Variants in PKN2 observed in about 807,000 individuals in gnomAD.
The protein encoded by PKN2 is serine/threonine-protein kinase N2.
Under a neutral mutation model 119.1 loss-of-function variants are expected in PKN2, and 38 were observed. The ratio of observed to expected loss-of-function variants is 0.32; its 90% CI spans 0.25 to 0.42. The LOEUF is 0.42. Among genes scored for constraint, PKN2 ranks in the 10% least tolerant of loss-of-function variants. The probability of loss-of-function intolerance (pLI) is 1.00; values close to 1 mark genes in which losing one functional copy is unlikely to be tolerated. For synonymous variants in PKN2, 390 were observed against 384.9 expected (o/e 1.01, Z -0.15); for missense variants, 850 against 1,165.1 (o/e 0.73, Z 3.94).
chr1:88,723,416 C>CT (rs1292941910), intron 1 of PKN2, among the ~76,000 whole-genome samples: 1 of 148,334 alleles, frequency 6.7e-6, no homozygotes, highest in Non-Finnish European at 1.5e-5. Context: ...CCCTGCCCCC[C>CT]CCCCTTTTAT....
At chr1:88,710,004 CAAAAG>C (rs1667162508) in intron 1 of PKN2, among the ~76,000 whole-genome samples, 1 of 151,974 alleles carries the variant, frequency 6.6e-6, no homozygotes. Context: ...TTGGCATCAT[CAAAAG>C]AAATAGGGAG....
At chr1:88,705,955 A>G (rs971213376) in intron 1 of PKN2, among the ~76,000 whole-genome samples, 1 of 151,778 alleles carries the variant, frequency 6.6e-6, no homozygotes, top group African/African-American at 2.4e-5. Context: ...TCCTTTTTCA[A>G]ATTTGTTTTG....
At chr1:88,757,574 G>A (rs537024810) in intron 2 of PKN2, among the ~76,000 whole-genome samples, 1 of 152,134 alleles carries the variant, frequency 6.6e-6, no homozygotes, top group Admixed American at 6.5e-5. Flanking sequence ...GAACATTGAA[G>A]CACAAAGGTA....
intron 1 of PKN2, among the ~76,000 whole-genome samples, chr1:88,729,843 C>T (rs932071542): frequency 2.0e-5 from 3 of 150,508 alleles, no homozygotes; most frequent in Non-Finnish European, 2.9e-5. Context: ...TTTCTTAACA[C>T]AGGTCAGACT....
chr1:88,833,434 G>A lies in PKN2; in HGVS notation c.2941G>A (p.Ala981Thr), dbSNP rs746556962. 1 of 1,612,942 alleles carries A rather than the reference G, an allele frequency of 6.2e-7. No homozygotes were observed. The stretch of plus-strand genomic sequence containing the variant: ...AATGTTCAGAGATTTTGACTACATT[G>A]CTGATTGGTGTTAAGTTGCTAGACA... ...QEMFRDFDYI[A>T]DWC The change falls in exon 22 of 22, where the codon GCT becomes ACT. Residue 981 changes from alanine to threonine, a missense_variant. Ala to Thr is a moderately conservative substitution (Grantham distance 58, BLOSUM62 0). Coordinates refer to ENST00000370521, the MANE Select transcript of PKN2 (RefSeq NM_006256.4).
At chr1:88,782,046 G>T (rs567890536) in intron 6 of PKN2, among the ~76,000 whole-genome samples, 1 of 152,176 alleles carries the variant, frequency 6.6e-6, no homozygotes, top group East Asian at 1.9e-4. Flanking sequence ...TTTAGTAAAT[G>T]TATATGCCTA....
intron 16 of PKN2, among the ~76,000 whole-genome samples, chr1:88,814,746 A>G (rs1671918149): frequency 6.6e-6 from 1 of 152,142 alleles, no homozygotes; most frequent in Non-Finnish European, 1.5e-5. Context: ...CACTCAAACT[A>G]TTAGCAAGTC....
intron 1 of PKN2, among the ~76,000 whole-genome samples, chr1:88,717,852 G>A (rs950233308): frequency 1.3e-5 from 2 of 152,056 alleles, no homozygotes; most frequent in South Asian, 4.1e-4. Flanking sequence ...AAGGAGCTGC[G>A]ATCCTTTAGA....
In PKN2 at chr1:88,798,803, C is replaced by G. The variant is rs182898971; in HGVS notation, c.1282-5588C>G. Among the ~76,000 whole-genome samples, 74 of 152,210 alleles carry G rather than the reference C, an allele frequency of 4.9e-4. 1 individual carries two copies. Among genetic ancestry groups the G allele is most frequent in the Admixed American group, 4.7e-3 (72 of 15,278 alleles). ...TCCAGAATGATGACAACCATGAGTCCTCAGATTTGAGAACATAAGTTCCTA... is the reference window on the plus strand; with the variant it reads ...TCCAGAATGATGACAACCATGAGTCGTCAGATTTGAGAACATAAGTTCCTA... On this transcript the variant is annotated intron_variant, in intron 8 of 21. Transcript: ENST00000370521.
At chr1:88,724,606 C>A (rs972004639) in intron 1 of PKN2, among the ~76,000 whole-genome samples, 11 of 148,660 alleles carry the variant, frequency 7.4e-5, no homozygotes, top group African/African-American at 2.8e-4. Context: ...GAGTCTTGCT[C>A]TGTCACCCAG....
intron 2 of PKN2, among the ~76,000 whole-genome samples, chr1:88,750,436 A>T (rs1668941775): frequency 6.6e-6 from 1 of 152,160 alleles, no homozygotes; most frequent in Non-Finnish European, 1.5e-5. Context: ...CAGAAACAGC[A>T]ATCTATTTAT....
rs1212971163 is a variant in PKN2, at chr1:88,692,513, A to C, written c.48+7885A>C. ...GAAATAAAAGATCCTTTGGTTATCC[A>C]TCCTCTCCAACACTTGATATTCTCT... On this transcript the variant is annotated intron_variant, in intron 1 of 21. Transcript: ENST00000370521. Among the ~76,000 whole-genome samples, 6 of 152,188 alleles carry C rather than the reference A, an allele frequency of 3.9e-5. No individual in the cohort carries two copies. The East Asian group carries it at 1.2e-3, about 29-fold the overall frequency.
intron 8 of PKN2, among the ~76,000 whole-genome samples, chr1:88,794,439 G>A (rs1243462732): frequency 6.6e-6 from 1 of 151,390 alleles, no homozygotes; most frequent in African/African-American, 2.4e-5. Context: ...ATAAACTACA[G>A]AAAGCACCTA....
chr1:88,729,961 C>T (rs908912661), intron 1 of PKN2, among the ~76,000 whole-genome samples: 1 of 152,006 alleles, frequency 6.6e-6, no homozygotes, highest in African/African-American at 2.4e-5. Flanking sequence ...ATCAGGAGAG[C>T]GAGACCATCC....
At chr1:88,764,169 C>T (rs748063561) in intron 3 of PKN2, among the ~76,000 whole-genome samples, 38 of 152,182 alleles carry the variant, frequency 2.5e-4, no homozygotes, top group Admixed American at 2.2e-3. Flanking sequence ...TCTCTCATTA[C>T]ACTCTAGCTA....
At chr1:88,742,191 A>G (rs1009864566) in intron 2 of PKN2, among the ~76,000 whole-genome samples, 8 of 152,162 alleles carry the variant, frequency 5.3e-5, no homozygotes, top group Non-Finnish European at 1.0e-4. Context: ...GTATAGAGTA[A>G]TACACCTATA....
At chr1:88,741,511 A>G (rs1668578961) in intron 2 of PKN2, among the ~76,000 whole-genome samples, 1 of 152,094 alleles carries the variant, frequency 6.6e-6, no homozygotes, top group Non-Finnish European at 1.5e-5. Context: ...ACCCTAATGT[A>G]TTCTCTCTTA....
At chr1:88,767,596 T>G (rs1406862656) in intron 3 of PKN2, among the ~76,000 whole-genome samples, 1 of 152,164 alleles carries the variant, frequency 6.6e-6, no homozygotes, top group Non-Finnish European at 1.5e-5. Context: ...TAGGCAATTG[T>G]AACACAATGG....
intron 16 of PKN2, among the ~76,000 whole-genome samples, chr1:88,820,234 A>ATATATG (rs1672215830): frequency 9.6e-6 from 1 of 104,230 alleles, no homozygotes; most frequent in African/African-American, 4.8e-5. Context: ...ATATATATAT[A>ATATATG]AATAGAAAAA....
Sources: gnomAD v4.1 joint callset for allele counts (sites outside exome capture counted in the v4.1 genomes callset) on GRCh38, gnomAD v4.1.1 for gene constraint, MANE v1.5 for transcripts, NCBI Gene and HGNC (gene_info 2026-07-23, HGNC 2026-07-21) for gene names.